The following NAALADL2 variants were observed in gnomAD, a reference collection of about 807,000 sequenced individuals.
NAALADL2 encodes the protein inactive N-acetylated-alpha-linked acidic dipeptidase-like protein 2.
A neutral mutation model predicts 87.2 loss-of-function variants in NAALADL2; 76 were observed. That is an observed-to-expected ratio of 0.87 (90% CI 0.72 to 1.05). The LOEUF is 1.05. Among genes scored for constraint, NAALADL2 ranks in the 50% least tolerant of loss-of-function variants. The probability of loss-of-function intolerance (pLI) is 0.00; values close to 1 mark genes in which losing one functional copy is unlikely to be tolerated. For missense variants in NAALADL2, 1,089 were observed against 945.8 expected (o/e 1.15, Z -1.99); for synonymous variants, 354 against 331.0 (o/e 1.07, Z -0.75).
intron 1 of NAALADL2, among the ~76,000 whole-genome samples, chr3:174,466,092 A>G (rs1449530387): frequency 6.6e-6 from 1 of 152,112 alleles, no homozygotes; most frequent in African/African-American, 2.4e-5. Flanking sequence ...CCTATGATCC[A>G]AATTTAAGAA....
At chr3:174,458,922 T>C (rs1403249680) in intron 1 of NAALADL2, among the ~76,000 whole-genome samples, 1 of 152,136 alleles carries the variant, frequency 6.6e-6, no homozygotes, top group East Asian at 1.9e-4. Flanking sequence ...TTATGTTTCC[T>C]GGGGTTACTA....
Position 175,213,616 on chromosome 3 carries a change from C to T in NAALADL2, c.546-20315C>T, listed in dbSNP as rs1316948356. 2.0e-5 allele frequency among the ~76,000 whole-genome samples: 3 copies of T among 152,112 alleles called. No homozygotes were observed. In the East Asian group the frequency reaches 5.8e-4, roughly 29 times the overall value. On this transcript the variant is annotated intron_variant, in intron 2 of 13. Coordinates refer to ENST00000454872, the MANE Select transcript of NAALADL2 (RefSeq NM_207015.3). Reference sequence around the variant, plus strand: ...ATGCATTTACATAGTGTAGTAGGTACAGAAGGCAGATGATGGTGAACTGAG... The same window carrying T: ...ATGCATTTACATAGTGTAGTAGGTATAGAAGGCAGATGATGGTGAACTGAG...
chr3:175,081,228 T>C (rs141351352), intron 1 of NAALADL2: 4 of 152,350 alleles, frequency 2.6e-5, no homozygotes, highest in African/African-American at 4.8e-5. Flanking sequence ...ACAAAATTTC[T>C]ATAAGTGTAA....
chr3:175,706,047 A>G (rs563658487), intron 11 of NAALADL2, among the ~76,000 whole-genome samples: 1 of 152,282 alleles, frequency 6.6e-6, no homozygotes, highest in East Asian at 1.9e-4. Context: ...AACAGAAAGA[A>G]TGATGAGATC....
At chr3:174,618,304 A>G (rs569817650) in intron 2 of NAALADL2, among the ~76,000 whole-genome samples, 425 of 151,918 alleles carry the variant, frequency 2.8e-3, no homozygotes, top group Non-Finnish European at 4.3e-3. Context: ...AGGTTGAATA[A>G]AGATTCTCAT....
chr3:175,163,254 A>G (rs1733503174), intron 2 of NAALADL2, among the ~76,000 whole-genome samples: 1 of 152,098 alleles, frequency 6.6e-6, no homozygotes, highest in African/African-American at 2.4e-5. Context: ...TTACCCTGAC[A>G]CAAAGGCAAA....
intron 2 of NAALADL2, among the ~76,000 whole-genome samples, chr3:175,208,972 A>G (rs865960984): frequency 1.4e-4 from 22 of 152,256 alleles, no homozygotes; most frequent in African/African-American, 4.3e-4. Flanking sequence ...TTTTAAATCT[A>G]TTGCCTTTGC....
intron 1 of NAALADL2, among the ~76,000 whole-genome samples, chr3:174,911,817 A>C (rs1733744622): frequency 1.3e-5 from 2 of 152,044 alleles, no homozygotes; most frequent in South Asian, 4.1e-4. Context: ...GCCCTTTACG[A>C]TGTAGCCTCA....
intron 9 of NAALADL2, among the ~76,000 whole-genome samples, chr3:175,535,832 A>G (rs534220700): frequency 6.6e-6 from 1 of 152,350 alleles, no homozygotes; most frequent in South Asian, 2.1e-4. Flanking sequence ...GTAGCATGAT[A>G]TAATAACTAC....
At position 175,639,164 on chromosome 3, in the gene NAALADL2, G is replaced by A. The variant is rs1227814995; in HGVS notation, c.1896+11778G>A. Among the ~76,000 whole-genome samples, 4 of 152,082 alleles carry A rather than the reference G, an allele frequency of 2.6e-5. No homozygotes were observed. The East Asian group carries it at 7.7e-4, about 29-fold the overall frequency. ...TCATGTTTGCCCTAATGTTGCTGGG[G>A]TTGAGAGTCACAGTTAAGTAACAGG... On this transcript the variant is annotated intron_variant, in intron 11 of 13. Transcript: ENST00000454872.
At chr3:175,597,947 A>G (rs191255694) in intron 10 of NAALADL2, among the ~76,000 whole-genome samples, 8 of 152,122 alleles carry the variant, frequency 5.3e-5, no homozygotes, top group Admixed American at 3.3e-4. Context: ...GAATATGAAC[A>G]TTATCTCTAT....
At chr3:175,537,522 T>C (rs2149460465) in intron 9 of NAALADL2, among the ~76,000 whole-genome samples, 1 of 152,280 alleles carries the variant, frequency 6.6e-6, no homozygotes. Flanking sequence ...AATAGCAACA[T>C]TAATTAACAA....
intron 2 of NAALADL2, among the ~76,000 whole-genome samples, chr3:175,208,767 C>A (rs758774052): frequency 5.3e-5 from 8 of 152,152 alleles, no homozygotes; most frequent in Middle Eastern, 3.4e-3. Flanking sequence ...AATGGAGAAG[C>A]GCAGTAAGGC....
At chr3:175,211,413 C>A (rs1741747647) in intron 2 of NAALADL2, among the ~76,000 whole-genome samples, 1 of 151,858 alleles carries the variant, frequency 6.6e-6, no homozygotes, top group South Asian at 2.1e-4. Context: ...TATATTTGAT[C>A]AAAGGCTGAC....
At chr3:175,430,972 G>A (rs1717656334) in intron 5 of NAALADL2, among the ~76,000 whole-genome samples, 1 of 151,970 alleles carries the variant, frequency 6.6e-6, no homozygotes, top group Non-Finnish European at 1.5e-5. Context: ...TATTTTTATT[G>A]AAACTTGAGA....
At chr3:175,059,305 TTTA>T (rs1441585406) in intron 1 of NAALADL2, 10 of 151,634 alleles carry the variant, frequency 6.6e-5, no homozygotes, top group Admixed American at 6.6e-4. Context: ...GCTGTGTTTA[TTTA>T]TTTTTTTTTC....
chr3:175,628,151 G>C (rs578179061), intron 11 of NAALADL2, among the ~76,000 whole-genome samples: 1 of 151,748 alleles, frequency 6.6e-6, no homozygotes, highest in African/African-American at 2.4e-5. Context: ...CCTACATCAA[G>C]TACCCATACA....
chr3:175,205,698 C>T (rs1054110409), intron 2 of NAALADL2, among the ~76,000 whole-genome samples: 3 of 151,976 alleles, frequency 2.0e-5, no homozygotes, highest in African/African-American at 7.3e-5. Context: ...ATCCATATAT[C>T]TGACAAAAGG....
At chr3:174,897,383 A>G (rs908338696) in intron 1 of NAALADL2, among the ~76,000 whole-genome samples, 1 of 151,526 alleles carries the variant, frequency 6.6e-6, no homozygotes, top group Non-Finnish European at 1.5e-5. Flanking sequence ...TTTTCAAAAG[A>G]CAACATACAA....
Sources: allele counts gnomAD v4.1 joint callset (sites outside exome capture counted in the v4.1 genomes callset), GRCh38; gene constraint gnomAD v4.1.1; transcripts MANE v1.5; gene names NCBI Gene and HGNC (gene_info 2026-07-23, HGNC 2026-07-21).